PCDHGA5: variants seen among roughly 807,000 people sequenced by gnomAD.
The protein encoded by PCDHGA5 is protocadherin gamma subfamily A, 5.
Under a neutral mutation model 56.7 loss-of-function variants are expected in PCDHGA5, and 36 were observed. The observed-to-expected ratio is 0.64, with a 90% CI of 0.49 to 0.84. The LOEUF (loss-of-function observed/expected upper bound fraction) is 0.84. PCDHGA5 is among the 40% of genes least tolerant of loss of function. PCDHGA5 has a pLI of 0.00. For synonymous variants in PCDHGA5, 563 were observed against 520.2 expected (o/e 1.08, Z -1.12); for missense variants, 1,305 against 1,201.5 (o/e 1.09, Z -1.27).
intron 1 of PCDHGA5, chr5:141,377,467 A>G (rs1170946460): frequency 1.3e-5 from 2 of 152,076 alleles, no homozygotes; most frequent in Non-Finnish European, 2.9e-5. Context: ...TGTGTGGCGT[A>G]CACCTGTAGT....
intron 1 of PCDHGA5, chr5:141,389,469 A>G: frequency 6.2e-7 from 1 of 1,613,246 alleles, no homozygotes; most frequent in Non-Finnish European, 8.5e-7. Flanking sequence ...CTTCGAACTC[A>G]CACTGCAGGC....
At chr5:141,393,458 G>T (rs181214352) in intron 1 of PCDHGA5, 4 of 1,613,902 alleles carry the variant, frequency 2.5e-6, no homozygotes, top group Non-Finnish European at 3.4e-6. Context: ...TCACGGCCTC[G>T]GATGGCGGCA....
chr5:141,476,417 C>A lies in PCDHGA5; in HGVS notation c.2422-18390C>A. ...GGATCGAGAGGAGCTGTGTGGGACA[C>A]TGCCCTCTTGCACTGTAACTCTGGA... is the stretch of plus-strand genomic sequence containing the variant. On this transcript the variant is annotated intron_variant, in intron 1 of 3. Coordinates refer to ENST00000518069, the MANE Select transcript of PCDHGA5 (RefSeq NM_018918.3). This position sits in a 1 kb window ranked among gnomAD's most constrained non-coding sequence, Gnocchi z 7.6. The A allele has an allele frequency of 6.2e-7, 1 of 1,614,112 alleles. No homozygotes were observed. The highest frequency in any genetic ancestry group is 8.5e-7 in the Non-Finnish European group (1 of 1,179,994).
intron 1 of PCDHGA5, chr5:141,420,568 T>C (rs2096507107): frequency 8.5e-6 from 2 of 235,080 alleles, no homozygotes; most frequent in African/African-American, 2.3e-5. Flanking sequence ...CGGCATGGTA[T>C]TTTAATTGAA....
At chr5:141,443,209 C>T (rs1183847804) in intron 1 of PCDHGA5, among the ~76,000 whole-genome samples, 2 of 152,030 alleles carry the variant, frequency 1.3e-5, no homozygotes, top group African/African-American at 2.4e-5. Flanking sequence ...GAGCTTGTCT[C>T]GCCAGGCGCA....
intron 1 of PCDHGA5, among the ~76,000 whole-genome samples, chr5:141,468,962 C>T (rs2099187487): frequency 6.7e-6 from 1 of 148,782 alleles, no homozygotes; most frequent in Non-Finnish European, 1.5e-5. Context: ...GTTTTTTTTA[C>T]CTTAGGCTTT....
In PCDHGA5 at chr5:141,489,872, T is replaced by A. The variant is rs2099693206; in HGVS notation, c.2422-4935T>A. 1 of 1,614,090 alleles carries A rather than the reference T, an allele frequency of 6.2e-7. No homozygotes were observed. The highest frequency in any genetic ancestry group is 8.5e-7 in the Non-Finnish European group (1 of 1,180,016). On this transcript the variant is annotated intron_variant, in intron 1 of 3. Coordinates refer to ENST00000518069, the MANE Select transcript of PCDHGA5 (RefSeq NM_018918.3). The surrounding 1 kb of genome is among the most constrained non-coding windows in gnomAD (Gnocchi z 4.5). ...GAAGCCCAGGCAAGACATCAGCTGG[T>A]GCTTACTGCTGTGGATGGGGGGACC...
chr5:141,441,973 C>A lies in PCDHGA5; in HGVS notation c.2422-52834C>A, dbSNP rs1457832429. The A allele has an allele frequency of 3.7e-5, 11 of 296,542 alleles. No individual in the cohort carries two copies. In the Admixed American group the frequency reaches 4.9e-4, roughly 13 times the overall value. 18.4% of individuals were successfully genotyped at this position (296,542 alleles called of 1,614,324 possible). A position where few individuals can be genotyped will look rare whatever the true frequency, so the allele number is the denominator to read the frequency against. ...GGCCAGCAAGCCCAGGCTCTTCAGC[C>A]TGGAATGCGCACCGACGAGGTGCTG... On this transcript the variant is annotated intron_variant, in intron 1 of 3. Coordinates refer to ENST00000518069, the MANE Select transcript of PCDHGA5 (RefSeq NM_018918.3).
In PCDHGA5 at chr5:141,487,579, A is replaced by G. The variant is rs779441421; in HGVS notation, c.2422-7228A>G. 60 of 1,614,022 alleles carry G rather than the reference A, an allele frequency of 3.7e-5. No homozygotes were observed. The South Asian group carries it at 6.0e-4, about 16-fold the overall frequency. The stretch of plus-strand genomic sequence containing the variant: ...CTATGGCAGGGGAGCCTGTTCGCCC[A>G]AGCTGCCCACCCTCTGATCTTCTCT... On this transcript the variant is annotated intron_variant, in intron 1 of 3. Transcript: ENST00000518069. This position sits in a 1 kb window ranked among gnomAD's most constrained non-coding sequence, Gnocchi z 5.0.
intron 1 of PCDHGA5, chr5:141,374,341 C>G: frequency 7.4e-6 from 12 of 1,613,988 alleles, no homozygotes; most frequent in Non-Finnish European, 8.5e-6. Flanking sequence ...GCTTGGTCAC[C>G]GCGGGTAGGA....
chr5:141,501,530 G>T (rs556760554), intron 2 of PCDHGA5, among the ~76,000 whole-genome samples: 1 of 151,998 alleles, frequency 6.6e-6, no homozygotes, highest in East Asian at 1.9e-4. Flanking sequence ...AGCCCAGTAC[G>T]TTGTTGTGCA....
Position 141,431,883 on chromosome 5 carries a change from A to T in PCDHGA5, c.2422-62924A>T, listed in dbSNP as rs748968989. 6.8e-6 allele frequency: 11 copies of T among 1,614,118 alleles called. No individual in the cohort carries two copies. The highest frequency in any genetic ancestry group is 1.1e-5 in the South Asian group (1 of 91,084). On this transcript the variant is annotated intron_variant, in intron 1 of 3. Transcript: ENST00000518069. The surrounding 1 kb of genome is among the most constrained non-coding windows in gnomAD (Gnocchi z 4.8). ...GCCCTTTTAAATGTAAATGACCAAG[A>T]TTCTGAGGAAAACGGACAGGTGATC...
chr5:141,468,920 A>G (rs2099185605), intron 1 of PCDHGA5, among the ~76,000 whole-genome samples: 1 of 151,612 alleles, frequency 6.6e-6, no homozygotes, highest in South Asian at 2.1e-4. Context: ...AGAAGAGAAT[A>G]GCACTAAAAT....
rs1255512461 is a variant in PCDHGA5 at position 141,395,116 on chromosome 5, T to A, written c.2421+28365T>A. 1.2e-6 allele frequency: 2 copies of A among 1,614,098 alleles called. No homozygotes were observed. Among genetic ancestry groups the A allele is most frequent in the African/African-American group, 1.3e-5 (1 of 74,932 alleles). Reference sequence around the variant, plus strand: ...ACCGCCGACTCGCGGAAGAGTCACCTGATCTTTCCCCAGCCCAACTACGCA... The same window carrying A: ...ACCGCCGACTCGCGGAAGAGTCACCAGATCTTTCCCCAGCCCAACTACGCA... On this transcript the variant is annotated intron_variant, in intron 1 of 3. Coordinates refer to ENST00000518069, the MANE Select transcript of PCDHGA5 (RefSeq NM_018918.3).
intron 1 of PCDHGA5, chr5:141,478,790 C>T: frequency 6.8e-7 from 1 of 1,472,906 alleles, no homozygotes. Flanking sequence ...AATTCACATC[C>T]TCAGCACTCT....
chr5:141,396,698 A>G (rs1003976752), intron 1 of PCDHGA5: 8 of 152,182 alleles, frequency 5.3e-5, no homozygotes, highest in African/African-American at 1.9e-4. Context: ...ACCTTCTTGT[A>G]GCATTTGAAT....
At position 141,431,783 on chromosome 5, in the gene PCDHGA5, G is replaced by T; in HGVS notation, c.2422-63024G>T. 2 of 1,614,174 alleles carry T rather than the reference G, an allele frequency of 1.2e-6. No homozygotes were observed. Among genetic ancestry groups the T allele is most frequent in the East Asian group, 2.2e-5 (1 of 44,878 alleles). On this transcript the variant is annotated intron_variant, in intron 1 of 3. Transcript: ENST00000518069. The surrounding 1 kb of genome is among the most constrained non-coding windows in gnomAD (Gnocchi z 4.8). Reference sequence around the variant, plus strand: ...CCTGATCACTGTTCTGGACGTGAACGACAATGCCCCAGAAGTGGTCCTCAC... The same window carrying T: ...CCTGATCACTGTTCTGGACGTGAACTACAATGCCCCAGAAGTGGTCCTCAC...
chr5:141,483,501 G>T (rs1022338958), intron 1 of PCDHGA5, among the ~76,000 whole-genome samples: 1 of 150,394 alleles, frequency 6.6e-6, no homozygotes, highest in Non-Finnish European at 1.5e-5. Flanking sequence ...ATGAGTCAAG[G>T]CTGATCCCCC....
chr5:141,505,334 G>T, intron 2 of PCDHGA5, 59 bp from the exon 3 acceptor site: 1 of 1,611,326 alleles, frequency 6.2e-7, no homozygotes, highest in Non-Finnish European at 8.5e-7. Context: ...GAGAGGACAG[G>T]AGGGGCATGA....
Sources: allele counts gnomAD v4.1 joint callset (sites outside exome capture counted in the v4.1 genomes callset), GRCh38; gene constraint gnomAD v4.1.1; non-coding constraint Gnocchi (gnomAD v3.1); transcripts MANE v1.5; gene names NCBI Gene and HGNC (gene_info 2026-07-23, HGNC 2026-07-21).